ZFHX3: variants seen among roughly 807,000 people sequenced by gnomAD.
The protein encoded by ZFHX3 is zinc finger homeobox 3.
In ZFHX3, 42 loss-of-function variants were observed where a neutral mutation model predicts 279.1. That is an observed-to-expected ratio of 0.15 (90% CI 0.12 to 0.19). The LOEUF is 0.19. Ranked by LOEUF, ZFHX3 falls within the 10% of genes least tolerant of loss-of-function variation. The pLI, the probability that ZFHX3 is intolerant of heterozygous loss-of-function variation, is 1.00. For synonymous variants in ZFHX3, 2,293 were observed against 1,957.8 expected (o/e 1.17, Z -4.52); for missense variants, 4,981 against 4,754.0 (o/e 1.05, Z -1.40).
At chr16:72,919,273 C>T (rs910184953) in intron 3 of ZFHX3, among the ~76,000 whole-genome samples, 3 of 152,098 alleles carry the variant, frequency 2.0e-5, no homozygotes, top group African/African-American at 7.2e-5. Context: ...ATTCTCCCAC[C>T]TCAGCCTCCC....
intron 2 of ZFHX3, among the ~76,000 whole-genome samples, chr16:73,596,587 T>C (rs1187362309): frequency 6.6e-6 from 1 of 152,172 alleles, no homozygotes; most frequent in Non-Finnish European, 1.5e-5. Context: ...GCAACATTAG[T>C]GCCCTCTTCA....
At chr16:73,702,369 G>A (rs145891661) in intron 1 of ZFHX3, among the ~76,000 whole-genome samples, 277 of 152,204 alleles carry the variant, frequency 1.8e-3, no homozygotes, top group African/African-American at 6.3e-3. Flanking sequence ...TGGGACACAC[G>A]GCAGACAATC....
At chr16:73,330,987 C>G (rs1359464263) in intron 3 of ZFHX3, among the ~76,000 whole-genome samples, 2 of 152,076 alleles carry the variant, frequency 1.3e-5, no homozygotes, top group African/African-American at 2.4e-5. Flanking sequence ...CTGTGGGCAG[C>G]TGTGTTAGTC....
intron 5 of ZFHX3, among the ~76,000 whole-genome samples, chr16:73,156,284 CA>C (rs1967083012): frequency 7.0e-6 from 1 of 142,182 alleles, no homozygotes; most frequent in Non-Finnish European, 1.5e-5. Flanking sequence ...TCCAGTAACA[CA>C]AAAGTCAGGC....
chr16:73,559,107 G>A (rs1328606573), intron 2 of ZFHX3, among the ~76,000 whole-genome samples: 1 of 151,844 alleles, frequency 6.6e-6, no homozygotes, highest in Non-Finnish European at 1.5e-5. Context: ...GAGTGCAGTG[G>A]TGCTATCACG....
chr16:72,896,119 C>G (rs779442066), intron 3 of ZFHX3, among the ~76,000 whole-genome samples: 1 of 152,144 alleles, frequency 6.6e-6, no homozygotes, highest in South Asian at 2.1e-4. Flanking sequence ...TGCTGTGCAG[C>G]GGATAACAGA....
chr16:73,519,369 C>T (rs2019575022), intron 2 of ZFHX3, among the ~76,000 whole-genome samples: 1 of 152,140 alleles, frequency 6.6e-6, no homozygotes, highest in Non-Finnish European at 1.5e-5. Flanking sequence ...TGTTTTTCTA[C>T]ATATCTCTAA....
At chr16:73,143,612 T>C (rs1966853225) in intron 6 of ZFHX3, 3 of 469,494 alleles carry the variant, frequency 6.4e-6, no homozygotes, top group South Asian at 3.6e-5. Context: ...ACTGCAGAGG[T>C]GTCTAGTAAC....
At chr16:73,214,138 T>C (rs934857319) in intron 5 of ZFHX3, among the ~76,000 whole-genome samples, 2 of 152,222 alleles carry the variant, frequency 1.3e-5, no homozygotes, top group African/African-American at 4.8e-5. Flanking sequence ...CCCTTTGTCC[T>C]ATAGAAACTG....
chr16:73,056,722 G>A (rs1469433942), intron 1 of ZFHX3, among the ~76,000 whole-genome samples: 1 of 152,138 alleles, frequency 6.6e-6, no homozygotes, highest in Non-Finnish European at 1.5e-5. Context: ...AGATATTGTA[G>A]AAATTTACAG....
intron 2 of ZFHX3, among the ~76,000 whole-genome samples, chr16:73,539,792 C>T (rs1365314435): frequency 6.6e-6 from 1 of 152,154 alleles, no homozygotes; most frequent in Non-Finnish European, 1.5e-5. Context: ...TTTTCTTACA[C>T]TCCTATGCCA....
At position 73,472,623 on chromosome 16, in the gene ZFHX3, T is replaced by G. The variant is rs2018689384; in HGVS notation, c.-1546-16365A>C. Among the ~76,000 whole-genome samples the G allele has an allele frequency of 3.9e-5, 6 of 152,368 alleles. 1 individual carries two copies. In the South Asian group the frequency reaches 1.2e-3, roughly 32 times the overall value. On this transcript the variant is annotated intron_variant, in intron 2 of 17. Coordinates refer to the ZFHX3 transcript ENST00000641206. ...TTCCCTCCTTCTCCGTCCTACCGTC[T>G]GTGCCATGAGACTGGCCTCTCCAGA...
chr16:73,681,488 G>C lies in ZFHX3; in HGVS notation c.-1607-1248C>G, dbSNP rs376296318. On this transcript the variant is annotated intron_variant, in intron 1 of 17. Coordinates refer to the ZFHX3 transcript ENST00000641206. ...GGGCAGGGCTAATCCAAAATGGGGA[G>C]AAAGCCGAGAGATAAAGAATGAAAT... is the stretch of plus-strand genomic sequence containing the variant. Among the ~76,000 whole-genome samples the C allele has an allele frequency of 3.3e-5, 5 of 152,302 alleles. No individual in the cohort carries two copies. In the East Asian group the frequency reaches 7.7e-4, roughly 23 times the overall value.
intron 1 of ZFHX3, among the ~76,000 whole-genome samples, chr16:73,775,754 A>C (rs1483644763): frequency 6.6e-6 from 1 of 152,196 alleles, no homozygotes; most frequent in African/African-American, 2.4e-5. Context: ...ATTTTTTAAT[A>C]AGGCAGGTGT....
chr16:73,509,149 C>T (rs975552871), intron 2 of ZFHX3, among the ~76,000 whole-genome samples: 1 of 152,172 alleles, frequency 6.6e-6, no homozygotes, highest in African/African-American at 2.4e-5. Context: ...GCAAGTTGAT[C>T]ACAACGGTGA....
rs754982692 is a variant in ZFHX3 at position 72,788,221 on chromosome 16, A to G, written c.10055T>C (p.Leu3352Pro). ...FPYSPALSQA[L>P]MGLSPGSLLQ... Reference sequence around the variant, plus strand: ...TAGGGAGCCTGGGGACAGCCCCATCAGGGCCTGCGACAGTGCAGGGCTGTA... The same window carrying G: ...TAGGGAGCCTGGGGACAGCCCCATCGGGGCCTGCGACAGTGCAGGGCTGTA... Residue 3352 changes from leucine to proline, a missense_variant, in exon 10 of 10, where the codon CTG becomes CCG. Leu to Pro is a moderately conservative substitution (Grantham distance 98). This residue lies in a region of ZFHX3 where 1,034 missense variants were observed against 786.0 expected (regional missense o/e 1.32). Coordinates refer to ENST00000268489, the MANE Select transcript of ZFHX3 (RefSeq NM_006885.4). 16 of 1,613,396 alleles carry G rather than the reference A, an allele frequency of 9.9e-6. No individual in the cohort carries two copies. The highest frequency in any genetic ancestry group is 3.4e-6 in the Non-Finnish European group (4 of 1,179,584).
In ZFHX3 at chr16:73,610,632, G is replaced by A. The variant is rs948666296; in HGVS notation, c.-1547+69548C>T. 1.8e-4 allele frequency among the ~76,000 whole-genome samples: 28 copies of A among 152,050 alleles called. 1 individual carries two copies. The highest frequency in any genetic ancestry group is 1.3e-4 in the Admixed American group (2 of 15,274). ...TACAAAATTATCTTTCCCATTCCTC[G>A]AATGTTCCTGAGTTTAGAGTATGAT... On this transcript the variant is annotated intron_variant, in intron 2 of 17. Transcript: ENST00000641206.
At chr16:73,385,290 G>A (rs2016879523) in intron 3 of ZFHX3, among the ~76,000 whole-genome samples, 1 of 152,110 alleles carries the variant, frequency 6.6e-6, no homozygotes. Flanking sequence ...AATTCAGATA[G>A]GAAAAATTAC....
intron 4 of ZFHX3, among the ~76,000 whole-genome samples, chr16:73,268,732 A>G (rs149483772): frequency 2.5e-3 from 377 of 152,302 alleles, no homozygotes; most frequent in Non-Finnish European, 4.2e-3. Flanking sequence ...GGTTGGTGCA[A>G]CCCGAAACAC....
Sources: gnomAD v4.1 joint callset for allele counts (sites outside exome capture counted in the v4.1 genomes callset) on GRCh38, gnomAD v4.1.1 for gene constraint, gnomAD v4.1.1 regional missense constraint, MANE v1.5 for transcripts, NCBI Gene and HGNC (gene_info 2026-07-23, HGNC 2026-07-21) for gene names.